JOSD1: variants seen among roughly 807,000 people sequenced by gnomAD.
JOSD1 encodes josephin-1.
JOSD1 carries 11 observed loss-of-function variants against 24.3 expected under a neutral mutation model. The ratio of observed to expected loss-of-function variants is 0.45; its 90% CI spans 0.29 to 0.75. The LOEUF (loss-of-function observed/expected upper bound fraction) is 0.75, where lower values mean the gene tolerates loss of function less well. Among genes scored for constraint, JOSD1 ranks in the 30% least tolerant of loss-of-function variants. JOSD1 has a pLI of 0.11. For missense variants in JOSD1, 184 were observed against 253.5 expected (o/e 0.73, Z 1.86); for synonymous variants, 106 against 93.8 (o/e 1.13, Z -0.75).
rs778643557 is a variant in JOSD1 at position 38,687,900 on chromosome 22, T to C, written c.*2A>G. On this transcript the variant is annotated 3_prime_UTR_variant, in exon 5 of 5. Coordinates refer to ENST00000683374, the MANE Select transcript of JOSD1 (RefSeq NM_001360236.2). ...AGGCGAGAGGGAGGTTGGGCAGAAC[T>C]GTTACACATCGGTCCTCCAACTCTG... is the stretch of plus-strand genomic sequence containing the variant. The C allele has an allele frequency of 3.1e-6, 5 of 1,606,278 alleles. No individual in the cohort carries two copies. The highest frequency in any genetic ancestry group is 2.2e-5 in the South Asian group (2 of 90,902).
intron 2 of JOSD1, 89 bp from the exon 3 acceptor site, chr22:38,689,513 C>T (rs2145804873): frequency 6.6e-7 from 1 of 1,521,910 alleles, no homozygotes; most frequent in Non-Finnish European, 8.9e-7. Context: ...CACTTTACAT[C>T]ACTGCCCCTG....
intron 2 of JOSD1, among the ~76,000 whole-genome samples, chr22:38,693,489 TACCA>T (rs2092532193): frequency 6.6e-6 from 1 of 152,212 alleles, no homozygotes; most frequent in South Asian, 2.1e-4. Flanking sequence ...CTGACAATGG[TACCA>T]ACTGCCTGGT....
At position 38,686,592 on chromosome 22, in the gene JOSD1, T is replaced by C. The variant is rs1374095964; in HGVS notation, c.*1310A>G. 2.0e-5 allele frequency: 3 copies of C among 152,278 alleles called. No homozygotes were observed. The highest frequency in any genetic ancestry group is 6.5e-5 in the Admixed American group (1 of 15,280). 9.4% of individuals were successfully genotyped at this position (152,278 alleles called of 1,614,324 possible). The stretch of plus-strand genomic sequence containing the variant: ...GAGGTAGGGGCGGGTTGAACTTCCA[T>C]TGATACAGAGAGGAAACGACATGAA... On this transcript the variant is annotated 3_prime_UTR_variant, in exon 5 of 5. Transcript: ENST00000683374.
At chr22:38,691,015 G>C (rs1236083410) in intron 2 of JOSD1, among the ~76,000 whole-genome samples, 1 of 152,104 alleles carries the variant, frequency 6.6e-6, no homozygotes, top group Non-Finnish European at 1.5e-5. Flanking sequence ...TCCAGCCTGG[G>C]TGACAGAGTG....
In JOSD1 at chr22:38,688,070, T is replaced by A. The variant is rs986049257; in HGVS notation, c.510-69A>T. The A allele has an allele frequency of 4.6e-6, 5 of 1,084,104 alleles. 1 individual carries two copies. Among genetic ancestry groups the A allele is most frequent in the Non-Finnish European group, 5.6e-6 (4 of 711,052 alleles). 67.2% of individuals were successfully genotyped at this position (1,084,104 alleles called of 1,614,324 possible). On this transcript the variant is annotated intron_variant, in intron 4 of 4. Transcript: ENST00000683374. ...AAATTCCAGTCTCAGGACCACAAAG[T>A]CACCTGAAACCTCACTCTACCCTCG...
intron 2 of JOSD1, among the ~76,000 whole-genome samples, chr22:38,692,641 T>G (rs1356291675): frequency 1.3e-5 from 2 of 149,730 alleles, no homozygotes; most frequent in African/African-American, 2.4e-5. Context: ...ATTAGCCAGG[T>G]GTGGTGGCAG....
In JOSD1 at chr22:38,687,748, A is replaced by C. The variant is rs144650296; in HGVS notation, c.*154T>G. On this transcript the variant is annotated 3_prime_UTR_variant, in exon 5 of 5. Transcript: ENST00000683374. ...CAAAACACTGAGTAGTTCTTATAACAGTCCACACGTCTGTCCTATTGCACT... is the reference window on the plus strand; with the variant it reads ...CAAAACACTGAGTAGTTCTTATAACCGTCCACACGTCTGTCCTATTGCACT... 3.2e-6 allele frequency: 2 copies of C among 616,488 alleles called. No individual in the cohort carries two copies. Among genetic ancestry groups the C allele is most frequent in the Non-Finnish European group, 5.9e-6 (2 of 340,094 alleles). The allele number at this position is 616,488 out of a possible 1,614,324, so 38.2% of individuals were successfully genotyped here.
In JOSD1 at chr22:38,688,000, T is replaced by A. The variant is rs752028880; in HGVS notation, c.511A>T (p.Lys171Ter). ...CCTCGCAAATGATGTTTTAGAAACT[T>A]CCTATGGAAAAAGAGATAGAGAAAA... ...EWIGGESELR[K>*]FLKHHLRGKN... Residue 171 changes from lysine (K) to a stop codon, truncating the protein, a stop_gained and splice_region_variant, in exon 5 of 5, where the codon AAG becomes TAG. Coordinates refer to ENST00000683374, the MANE Select transcript of JOSD1 (RefSeq NM_001360236.2). LOFTEE classifies it high-confidence loss of function. 6.2e-7 allele frequency: 1 copy of A among 1,609,174 alleles called. No individual in the cohort carries two copies. The highest frequency in any genetic ancestry group is 8.5e-7 in the Non-Finnish European group (1 of 1,175,552).
At chr22:38,696,200 T>C (rs572567762) in intron 2 of JOSD1, among the ~76,000 whole-genome samples, 2 of 152,214 alleles carry the variant, frequency 1.3e-5, no homozygotes, top group African/African-American at 4.8e-5. Flanking sequence ...CATCATGTAA[T>C]TTGATTTCTA....
chr22:38,694,246 T>C lies in JOSD1; in HGVS notation c.186-4822A>G, dbSNP rs562820639. 1.8e-4 allele frequency among the ~76,000 whole-genome samples: 28 copies of C among 152,290 alleles called. No homozygotes were observed. The South Asian group carries it at 3.5e-3, about 19-fold the overall frequency. On this transcript the variant is annotated intron_variant, in intron 2 of 4. Coordinates refer to ENST00000683374, the MANE Select transcript of JOSD1 (RefSeq NM_001360236.2). ...TGGGCTTTATCACTTCCAGCCATCTTGAGATACCATAAACATGGAAGCTGA... is the reference window on the plus strand; with the variant it reads ...TGGGCTTTATCACTTCCAGCCATCTCGAGATACCATAAACATGGAAGCTGA...
chr22:38,700,883 C>A lies in JOSD1; in HGVS notation c.-715G>T, dbSNP rs1346956496. 1.0e-6 allele frequency: 1 copy of A among 984,428 alleles called. No homozygotes were observed. The highest frequency in any genetic ancestry group is 1.2e-6 in the Non-Finnish European group (1 of 829,630). The allele number at this position is 984,428 out of a possible 1,614,324, so 61.0% of individuals were successfully genotyped here. ...AGACCCCAGGGCCGCCGGGACTGCTCGCCGCTGGCGGTCCCCTCACCGCAG... is the reference window on the plus strand; with the variant it reads ...AGACCCCAGGGCCGCCGGGACTGCTAGCCGCTGGCGGTCCCCTCACCGCAG... On this transcript the variant is annotated 5_prime_UTR_variant, in exon 1 of 5. Transcript: ENST00000683374.
chr22:38,698,115 T>G (rs2092552898), intron 2 of JOSD1, among the ~76,000 whole-genome samples: 1 of 152,192 alleles, frequency 6.6e-6, no homozygotes, highest in South Asian at 2.1e-4. Context: ...CAGGAAATAA[T>G]TTGCAAATAT....
At chr22:38,694,190 A>AT (rs2092535157) in intron 2 of JOSD1, among the ~76,000 whole-genome samples, 1 of 152,254 alleles carries the variant, frequency 6.6e-6, no homozygotes, top group African/African-American at 2.4e-5. Flanking sequence ...TTTTAACAGT[A>AT]ATCAAGTGGC....
chr22:38,699,035 C>T (rs991340322), intron 2 of JOSD1, among the ~76,000 whole-genome samples: 9 of 152,134 alleles, frequency 5.9e-5, no homozygotes, highest in African/African-American at 1.7e-4. Flanking sequence ...GGGATTACAC[C>T]GTACTTGGCC....
intron 2 of JOSD1, among the ~76,000 whole-genome samples, chr22:38,697,307 C>A (rs1471542676): frequency 2.6e-5 from 4 of 152,242 alleles, no homozygotes; most frequent in East Asian, 1.9e-4. Flanking sequence ...ATACTCTACA[C>A]AGAATTCCAC....
chr22:38,688,245 C>T (rs1569262619), intron 4 of JOSD1, among the ~76,000 whole-genome samples: 1 of 152,006 alleles, frequency 6.6e-6, no homozygotes, highest in Non-Finnish European at 1.5e-5. Context: ...TAACAGTACC[C>T]AAAGTATATA....
chr22:38,688,884 A>C, intron 4 of JOSD1, 51 bp downstream of exon 4: 1 of 1,523,948 alleles, frequency 6.6e-7, no homozygotes, highest in Non-Finnish European at 9.0e-7. Context: ...AGTGTCCCCA[A>C]CCTAAGAAAT....
chr22:38,698,806 G>A (rs761960865), intron 2 of JOSD1, among the ~76,000 whole-genome samples: 7 of 152,316 alleles, frequency 4.6e-5, no homozygotes, highest in Middle Eastern at 6.8e-3. Context: ...CCAGGCTGGA[G>A]TGCAGAGTGG....
Position 38,700,293 on chromosome 22 carries a change from T to TG in JOSD1, c.-307_-306insC. On this transcript the variant is annotated 5_prime_UTR_variant, in exon 2 of 5. Transcript: ENST00000683374. ...TTGTTTCCGTTTCCCCACCCTTCCC[T>TG]CCCACCCCCCTCCAAAATCCCCACG... The TG allele has an allele frequency of 5.7e-5, 16 of 282,258 alleles. No homozygotes were observed. Among genetic ancestry groups the TG allele is most frequent in the South Asian group, 9.4e-5 (1 of 10,630 alleles). The allele number at this position is 282,258 out of a possible 1,614,324, so 17.5% of individuals were successfully genotyped here.
Sources: gnomAD v4.1 joint callset for allele counts (sites outside exome capture counted in the v4.1 genomes callset) on GRCh38, gnomAD v4.1.1 for gene constraint, MANE v1.5 for transcripts, NCBI Gene and HGNC (gene_info 2026-07-23, HGNC 2026-07-21) for gene names.